Variants in IPP observed in about 807,000 individuals in gnomAD.
IPP encodes actin-binding protein IPP.
IPP carries 41 observed loss-of-function variants against 64.1 expected under a neutral mutation model. The ratio of observed to expected loss-of-function variants is 0.64; its 90% CI spans 0.50 to 0.83. IPP has a LOEUF of 0.83. Among genes scored for constraint, IPP ranks in the 40% least tolerant of loss-of-function variants. The probability of loss-of-function intolerance (pLI) is 0.00; values close to 1 mark genes in which losing one functional copy is unlikely to be tolerated. For missense variants in IPP, 649 were observed against 703.0 expected (o/e 0.92, Z 0.87); for synonymous variants, 214 against 235.2 (o/e 0.91, Z 0.83).
rs376898491 is a variant in IPP at position 45,705,318 on chromosome 1, C to T, written c.1531-5128G>A. On this transcript the variant is annotated intron_variant, in intron 8 of 8. Coordinates refer to ENST00000396478, the MANE Select transcript of IPP (RefSeq NM_005897.3). Reference sequence around the variant, plus strand: ...CTTGAAGAAATGGCTGATTCCAGGGCTAAAGCAGAAAAAGTATAAGATAAA... The same window carrying T: ...CTTGAAGAAATGGCTGATTCCAGGGTTAAAGCAGAAAAAGTATAAGATAAA... Among the ~76,000 whole-genome samples the T allele has an allele frequency of 8.5e-5, 13 of 152,220 alleles. No individual in the cohort carries two copies. The East Asian group carries it at 2.1e-3, about 25-fold the overall frequency.
downstream of IPP, among the ~76,000 whole-genome samples, chr1:45,695,336 T>C (rs1218820446): frequency 3.9e-5 from 6 of 152,148 alleles, no homozygotes; most frequent in East Asian, 9.7e-4. Context: ...AGCTAATTTT[T>C]TAATTTTTTG....
chr1:45,704,035 TTTCTC>T (rs904761254), intron 8 of IPP, among the ~76,000 whole-genome samples: 1 of 152,084 alleles, frequency 6.6e-6, no homozygotes, highest in African/African-American at 2.4e-5. Flanking sequence ...GTCTCCTACC[TTTCTC>T]TTCTCTTCTC....
intron 8 of IPP, among the ~76,000 whole-genome samples, chr1:45,702,392 T>C (rs914264721): frequency 2.0e-5 from 3 of 152,132 alleles, no homozygotes; most frequent in African/African-American, 7.2e-5. Context: ...TAGTAGGTAG[T>C]CAATAACAAT....
intron 8 of IPP, among the ~76,000 whole-genome samples, chr1:45,711,335 C>A (rs1048109509): frequency 3.9e-5 from 6 of 151,966 alleles, no homozygotes; most frequent in African/African-American, 1.4e-4. Flanking sequence ...GTGAAAACTC[C>A]GTCTCAAAAC....
chr1:45,720,455 C>T (rs186377062), intron 5 of IPP, among the ~76,000 whole-genome samples: 1 of 152,066 alleles, frequency 6.6e-6, no homozygotes, highest in African/African-American at 2.4e-5. Flanking sequence ...ATGATAGTTA[C>T]CCCATATTGA....
intron 8 of IPP, among the ~76,000 whole-genome samples, chr1:45,708,694 A>C (rs1177873487): frequency 6.7e-6 from 1 of 150,076 alleles, no homozygotes; most frequent in Non-Finnish European, 1.5e-5. Context: ...AAAAAAAAAA[A>C]AAAAAGCAAC....
intron 8 of IPP, 80 bp downstream of exon 8, chr1:45,714,166 G>T: frequency 1.9e-6 from 2 of 1,043,598 alleles, no homozygotes; most frequent in South Asian, 1.4e-5. Context: ...TATCATGAGT[G>T]AAAAAGAGTG....
chr1:45,727,601 AT>A lies in IPP; in HGVS notation c.1048+29del, dbSNP rs544041879. 6,547 of 1,424,844 alleles carry A rather than the reference AT, an allele frequency of 4.6e-3. 26 individuals are homozygous for A. The highest frequency in any genetic ancestry group is 5.9e-3 in the Non-Finnish European group (6,179 of 1,051,364). The allele number at this position is 1,424,844 out of a possible 1,614,324, so 88.3% of individuals were successfully genotyped here. A position where few individuals can be genotyped will look rare whatever the true frequency, so the allele number is the denominator to read the frequency against. ...TATTAGAATATAGCCAACAAGACTA[AT>A]TAAGAAAATAAGACATTTTTATTAT... is the stretch of plus-strand genomic sequence containing the variant. On this transcript the variant is annotated intron_variant, in intron 5 of 8. Transcript: ENST00000396478.
chr1:45,729,026 G>A (rs1243080002), intron 4 of IPP, among the ~76,000 whole-genome samples: 1 of 150,694 alleles, frequency 6.6e-6, no homozygotes, highest in South Asian at 2.1e-4. Context: ...CATGCCTGTA[G>A]TCCCAGCTAC....
chr1:45,702,309 C>CAA (rs539770674), intron 8 of IPP, among the ~76,000 whole-genome samples: 1 of 136,770 alleles, frequency 7.3e-6, no homozygotes, highest in African/African-American at 2.7e-5. Flanking sequence ...CATGTTACCT[C>CAA]AAAAAAAAAA....
chr1:45,747,834 CAAAAAAAAAAAAAAAAAA>C (rs60576414), intron 1 of IPP, among the ~76,000 whole-genome samples: 9 of 39,280 alleles, frequency 2.3e-4, no homozygotes, highest in African/African-American at 7.0e-4. Context: ...GACTCTGTCT[CAAAAAAAAAAAAAAAAAA>C]AAAAAAAAAA....
intron 6 of IPP, among the ~76,000 whole-genome samples, chr1:45,717,802 C>T (rs1645681581): frequency 6.6e-6 from 1 of 152,124 alleles, no homozygotes; most frequent in Non-Finnish European, 1.5e-5. Flanking sequence ...CGTAAGCCAC[C>T]ATGTCCAGCC....
chr1:45,738,612 G>A (rs992360366), intron 3 of IPP, among the ~76,000 whole-genome samples: 10 of 151,878 alleles, frequency 6.6e-5, no homozygotes, highest in East Asian at 1.9e-4. Context: ...AGGCCGAAGC[G>A]GGTGGATCAC....
At chr1:45,734,506 T>C (rs1645951522) in intron 3 of IPP, among the ~76,000 whole-genome samples, 1 of 152,088 alleles carries the variant, frequency 6.6e-6, no homozygotes, top group African/African-American at 2.4e-5. Context: ...GGCACAGTCA[T>C]AGCACACTGC....
Position 45,746,272 on chromosome 1 carries a change from C to T in IPP, c.140G>A (p.Ser47Asn). The change falls in exon 2 of 9, where the codon AGT becomes AAT. Residue 47 changes from serine to asparagine, a missense_variant. Transcript: ENST00000396478. ...CDVQLQVGQE[S>N]FKAHRLVLAA... ...CAAAACCAGCCGATGAGCTTTAAAACTTTCCTGTCCAACTTGCAGCTGCAC... is the reference window on the plus strand; with the variant it reads ...CAAAACCAGCCGATGAGCTTTAAAATTTTCCTGTCCAACTTGCAGCTGCAC... The T allele has an allele frequency of 6.2e-7, 1 of 1,614,210 alleles. No individual in the cohort carries two copies. The highest frequency in any genetic ancestry group is 8.5e-7 in the Non-Finnish European group (1 of 1,180,040).
intron 8 of IPP, among the ~76,000 whole-genome samples, chr1:45,709,093 G>A (rs182244321): frequency 7.0e-6 from 1 of 142,324 alleles, no homozygotes; most frequent in African/African-American, 2.6e-5. Flanking sequence ...AAAGCTAAGA[G>A]AAGTTCATCA....
chr1:45,742,448 T>C (rs971511746), intron 2 of IPP, among the ~76,000 whole-genome samples: 6 of 152,232 alleles, frequency 3.9e-5, no homozygotes, highest in African/African-American at 1.4e-4. Context: ...GTTATATGCA[T>C]GTAACAGACA....
In IPP at chr1:45,699,187, T is replaced by TTAAAATAG. The variant is rs1645417311; in HGVS notation, c.*778_*779insCTATTTTA. Reference sequence around the variant, plus strand: ...AAACTTATCATCAAGCAAAAAGGTATCTATCTATTAAAATAGCTAGATATT... The same window carrying TTAAAATAG: ...AAACTTATCATCAAGCAAAAAGGTATTAAAATAGCTATCTATTAAAATAGCTAGATATT... On this transcript the variant is annotated 3_prime_UTR_variant, in exon 9 of 9. Coordinates refer to ENST00000396478, the MANE Select transcript of IPP (RefSeq NM_005897.3). 1.0e-6 allele frequency: 1 copy of TTAAAATAG among 985,254 alleles called. No homozygotes were observed. Among genetic ancestry groups the TTAAAATAG allele is most frequent in the Non-Finnish European group, 1.2e-6 (1 of 829,894 alleles). The allele number at this position is 985,254 out of a possible 1,614,324, so 61.0% of individuals were successfully genotyped here.
At position 45,714,336 on chromosome 1, in the gene IPP, C is replaced by A. The variant is rs1645629532; in HGVS notation, c.1440G>T (p.Val480=). 6.2e-7 allele frequency: 1 copy of A among 1,613,892 alleles called. No homozygotes were observed. Among genetic ancestry groups the A allele is most frequent in the Non-Finnish European group, 8.5e-7 (1 of 1,179,756 alleles). ...PMGTRRAYLG[V]AALNDCIYSV... ...AATAGATGCAGTCATTGAGTGCAGC[C>A]ACACCAAGATATGCTCTCCTGGTTC... The change falls in exon 8 of 9, where the codon GTG becomes GTT. Residue 480 remains valine (V), a synonymous_variant. Coordinates refer to ENST00000396478, the MANE Select transcript of IPP (RefSeq NM_005897.3).
Sources: gnomAD v4.1 joint callset for allele counts (sites outside exome capture counted in the v4.1 genomes callset) on GRCh38, gnomAD v4.1.1 for gene constraint, MANE v1.5 for transcripts, NCBI Gene and HGNC (gene_info 2026-07-23, HGNC 2026-07-21) for gene names.